SCG5: variants seen among roughly 807,000 people sequenced by gnomAD.
SCG5 encodes the protein neuroendocrine protein 7B2.
A neutral mutation model predicts 25.7 loss-of-function variants in SCG5; 18 were observed. The observed-to-expected ratio is 0.70, with a 90% CI of 0.48 to 1.04. The LOEUF is 1.04. Ranked by LOEUF, SCG5 falls within the 50% of genes least tolerant of loss-of-function variation. The pLI, the probability that SCG5 is intolerant of heterozygous loss-of-function variation, is 0.00. For synonymous variants in SCG5, 101 were observed against 91.7 expected, an observed-to-expected ratio of 1.10 and a Z score of -0.58; for missense variants, 206 against 259.8, an observed-to-expected ratio of 0.79 and a Z score of 1.42.
Position 32,691,780 on chromosome 15 carries a change from T to C in SCG5, c.543+17T>C. ...AAGCGGAGGGTAACACGTGCCTGGC[T>C]GGATTGTTGCGGGGATGCTTGGAGC... On this transcript the variant is annotated intron_variant, in intron 5 of 5. Coordinates refer to ENST00000300175, the MANE Select transcript of SCG5 (RefSeq NM_001144757.3). 1 of 1,611,634 alleles carries C rather than the reference T, an allele frequency of 6.2e-7. No homozygotes were observed. Among genetic ancestry groups the C allele is most frequent in the Non-Finnish European group, 8.5e-7 (1 of 1,178,926 alleles).
At chr15:32,672,043 C>T (rs1313889709) in intron 2 of SCG5, among the ~76,000 whole-genome samples, 1 of 152,230 alleles carries the variant, frequency 6.6e-6, no homozygotes, top group Non-Finnish European at 1.5e-5. Context: ...GCTTCAGGCT[C>T]CCAGACCGCT....
Position 32,643,586 on chromosome 15 carries a change from G to A in SCG5, c.-7G>A, listed in dbSNP as rs2053899045. ...TATACATTTGGTCTTTTATCTGCAG[G>A]TTGACAATGGTCTCCAGGATGGTCT... is the stretch of plus-strand genomic sequence containing the variant. On this transcript the variant is annotated splice_region_variant and 5_prime_UTR_variant, in exon 2 of 6. Coordinates refer to ENST00000300175, the MANE Select transcript of SCG5 (RefSeq NM_001144757.3). The A allele has an allele frequency of 6.2e-7, 1 of 1,610,376 alleles. No homozygotes were observed. The highest frequency in any genetic ancestry group is 2.2e-5 in the East Asian group (1 of 44,838).
intron 2 of SCG5, among the ~76,000 whole-genome samples, chr15:32,667,342 A>G (rs2054336376): frequency 6.6e-6 from 1 of 151,056 alleles, no homozygotes; most frequent in Non-Finnish European, 1.5e-5. Flanking sequence ...CCATTTTTAA[A>G]GATAAGTTTG....
At chr15:32,661,073 T>C (rs995516702) in intron 2 of SCG5, among the ~76,000 whole-genome samples, 1 of 152,178 alleles carries the variant, frequency 6.6e-6, no homozygotes, top group Admixed American at 6.6e-5. Flanking sequence ...GCCAAACACT[T>C]TATGTATTGT....
intron 2 of SCG5, among the ~76,000 whole-genome samples, chr15:32,663,066 TATATATATATATA>T (rs2054257791): frequency 2.0e-5 from 1 of 50,830 alleles, no homozygotes; most frequent in East Asian, 5.4e-4. Flanking sequence ...TATATATATA[TATATATATATATA>T]ATATATAATA....
At chr15:32,661,439 G>A (rs1438825959) in intron 2 of SCG5, among the ~76,000 whole-genome samples, 1 of 152,164 alleles carries the variant, frequency 6.6e-6, no homozygotes, top group African/African-American at 2.4e-5. Context: ...TGACCAACAG[G>A]GAGAAACCCT....
At position 32,661,492 on chromosome 15, in the gene SCG5, T is replaced by C. The variant is rs562053260; in HGVS notation, c.226+17674T>C. Among the ~76,000 whole-genome samples, 50 of 152,216 alleles carry C rather than the reference T, an allele frequency of 3.3e-4. No individual in the cohort carries two copies. The South Asian group carries it at 5.6e-3, about 17-fold the overall frequency. ...AAAATAAGCCGGTTGTGGTGGTGCATGCCTGTAATCCCAGCTACTAGGGAG... is the reference window on the plus strand; with the variant it reads ...AAAATAAGCCGGTTGTGGTGGTGCACGCCTGTAATCCCAGCTACTAGGGAG... On this transcript the variant is annotated intron_variant, in intron 2 of 5. Coordinates refer to ENST00000300175, the MANE Select transcript of SCG5 (RefSeq NM_001144757.3).
intron 2 of SCG5, among the ~76,000 whole-genome samples, chr15:32,659,332 A>G (rs1205084246): frequency 2.0e-5 from 3 of 152,188 alleles, no homozygotes; most frequent in African/African-American, 7.2e-5. Flanking sequence ...TCACTTGGAC[A>G]TATTTGATTA....
chr15:32,696,359 T>C (rs190188861), intron 5 of SCG5, among the ~76,000 whole-genome samples, 155 bp from the exon 6 acceptor site: 118 of 152,140 alleles, frequency 7.8e-4, no homozygotes, highest in African/African-American at 2.7e-3. Flanking sequence ...CCTCGTGATC[T>C]GCCCACCTCG....
At chr15:32,658,886 G>T (rs933342327) in intron 2 of SCG5, among the ~76,000 whole-genome samples, 1 of 152,166 alleles carries the variant, frequency 6.6e-6, no homozygotes, top group Admixed American at 6.5e-5. Flanking sequence ...CTTAACAACT[G>T]TCAGAGAGGG....
intron 2 of SCG5, among the ~76,000 whole-genome samples, chr15:32,647,022 T>C (rs544582754): frequency 1.1e-4 from 17 of 152,352 alleles, no homozygotes; most frequent in Admixed American, 9.1e-4. Context: ...CTTAACATGG[T>C]GCTTATGAGC....
At position 32,657,025 on chromosome 15, in the gene SCG5, C is replaced by T. The variant is rs185595305; in HGVS notation, c.226+13207C>T. 4.0e-4 allele frequency among the ~76,000 whole-genome samples: 61 copies of T among 150,828 alleles called. No individual in the cohort carries two copies. In the East Asian group the frequency reaches 0.01, roughly 25 times the overall value. ...GGCACTGAACAAGTCCCTTCAGTTCCGCAAAGTTTAGCTTCCCAATCTAAA... is the reference window on the plus strand; with the variant it reads ...GGCACTGAACAAGTCCCTTCAGTTCTGCAAAGTTTAGCTTCCCAATCTAAA... On this transcript the variant is annotated intron_variant, in intron 2 of 5. Transcript: ENST00000300175.
intron 3 of SCG5, among the ~76,000 whole-genome samples, chr15:32,683,163 C>T (rs1177828060): frequency 2.0e-5 from 3 of 152,218 alleles, no homozygotes; most frequent in Non-Finnish European, 4.4e-5. Context: ...GACTTCCACA[C>T]TAGCTGTATA....
Position 32,684,607 on chromosome 15 carries a change from G to C in SCG5, c.427G>C (p.Glu143Gln), listed in dbSNP as rs1289469291. The C allele has an allele frequency of 6.2e-7, 1 of 1,613,862 alleles. No homozygotes were observed. Among genetic ancestry groups the C allele is most frequent in the South Asian group, 1.1e-5 (1 of 91,000 alleles). The change falls in exon 4 of 6, where the codon GAG becomes CAG. Residue 143 changes from glutamate to glutamine, a missense_variant. By Grantham distance (29) the Glu-to-Gln change is conservative. Coordinates refer to ENST00000300175, the MANE Select transcript of SCG5 (RefSeq NM_001144757.3). Reference sequence around the variant, plus strand: ...CCCTGACACTGCAGAGTTCAGTCGAGAGTTCCAGTTGCACCAGCATCTCTT... The same window carrying C: ...CCCTGACACTGCAGAGTTCAGTCGACAGTTCCAGTTGCACCAGCATCTCTT... ...NTPDTAEFSR[E>Q]FQLHQHLFDP...
intron 2 of SCG5, among the ~76,000 whole-genome samples, chr15:32,663,080 A>ATAT (rs1567076585): frequency 5.7e-4 from 44 of 77,682 alleles, no homozygotes; most frequent in African/African-American, 1.9e-3. Context: ...TATATATATA[A>ATAT]TATATAATAT....
At position 32,672,429 on chromosome 15, in the gene SCG5, C is replaced by T. The variant is rs145645234; in HGVS notation, c.227-7337C>T. On this transcript the variant is annotated intron_variant, in intron 2 of 5. Transcript: ENST00000300175. ...CAGAGTCTGGAGGGCAGGGGTTGTC[C>T]GGATGTTCCAAACCTCCAGCGTGAG... Among the ~76,000 whole-genome samples, 348 of 152,348 alleles carry T rather than the reference C, an allele frequency of 2.3e-3. 4 individuals carry two copies. Among genetic ancestry groups the T allele is most frequent in the African/African-American group, 8.0e-3 (331 of 41,584 alleles).
intron 2 of SCG5, among the ~76,000 whole-genome samples, chr15:32,667,091 G>A (rs1467722338): frequency 7.6e-6 from 1 of 131,922 alleles, no homozygotes; most frequent in African/African-American, 2.9e-5. Flanking sequence ...TGATAATTTG[G>A]ATATATTGGG....
chr15:32,657,860 A>T (rs2054150789), intron 2 of SCG5, among the ~76,000 whole-genome samples: 1 of 152,198 alleles, frequency 6.6e-6, no homozygotes, highest in Non-Finnish European at 1.5e-5. Flanking sequence ...TAACTTATTT[A>T]TGTAGGATCT....
chr15:32,652,006 A>G (rs917719222), intron 2 of SCG5, among the ~76,000 whole-genome samples: 3 of 152,228 alleles, frequency 2.0e-5, no homozygotes, highest in Non-Finnish European at 4.4e-5. Flanking sequence ...CACCTAAGAC[A>G]AAGGCCAGGT....
Sources: gnomAD v4.1 joint callset for allele counts (sites outside exome capture counted in the v4.1 genomes callset) on GRCh38, gnomAD v4.1.1 for gene constraint, MANE v1.5 for transcripts, NCBI Gene and HGNC (gene_info 2026-07-23, HGNC 2026-07-21) for gene names.